IQSEC1: variants seen among roughly 807,000 people sequenced by gnomAD.
IQSEC1 encodes the protein IQ motif and Sec7 domain ArfGEF 1, also known as IQ motif and SEC7 domain-containing protein 1.
A neutral mutation model predicts 91.0 loss-of-function variants in IQSEC1; 31 were observed. The observed-to-expected ratio is 0.34, with a 90% CI of 0.26 to 0.46. The LOEUF is 0.46. Among genes scored for constraint, IQSEC1 ranks in the 20% least tolerant of loss-of-function variants. The pLI is 1.00. For missense variants in IQSEC1, 1,388 were observed against 1,575.6 expected, an observed-to-expected ratio of 0.88 and a Z score of 2.02; for synonymous variants, 699 against 662.6, an observed-to-expected ratio of 1.05 and a Z score of -0.84.
At chr3:13,144,525 C>A (rs1425481610) in intron 2 of IQSEC1, among the ~76,000 whole-genome samples, 1 of 152,260 alleles carries the variant, frequency 6.6e-6, no homozygotes, top group East Asian at 1.9e-4. Context: ...TGTGACCACA[C>A]AGACAATCCC....
At chr3:13,066,756 G>C (rs993605317) in intron 1 of IQSEC1, among the ~76,000 whole-genome samples, 1 of 152,226 alleles carries the variant, frequency 6.6e-6, no homozygotes, top group Non-Finnish European at 1.5e-5. Context: ...GGTGCCACCA[G>C]GTCTTATTTA....
chr3:12,988,752 TTA>T (rs1278839695), intron 1 of IQSEC1, among the ~76,000 whole-genome samples: 1 of 152,210 alleles, frequency 6.6e-6, no homozygotes, highest in Non-Finnish European at 1.5e-5. Context: ...ACGCATGTTC[TTA>T]TTTTTCTTTA....
At chr3:13,093,707 G>A (rs1705906622) in intron 2 of IQSEC1, among the ~76,000 whole-genome samples, 1 of 152,172 alleles carries the variant, frequency 6.6e-6, no homozygotes, top group Non-Finnish European at 1.5e-5. Flanking sequence ...GATCAGGCCC[G>A]AGCACTGATG....
At chr3:12,910,098 A>G (rs549316020) in intron 10 of IQSEC1, among the ~76,000 whole-genome samples, 1 of 152,374 alleles carries the variant, frequency 6.6e-6, no homozygotes, top group South Asian at 2.1e-4. Context: ...ACGTGGGAAC[A>G]TGTGCCTAGT....
intron 1 of IQSEC1, among the ~76,000 whole-genome samples, chr3:13,040,394 G>T (rs984621403): frequency 6.6e-6 from 1 of 152,220 alleles, no homozygotes; most frequent in Admixed American, 6.5e-5. Flanking sequence ...GTTCCTCAAG[G>T]ATTAGTCTCA....
chr3:13,134,237 G>C (rs936264722), intron 2 of IQSEC1, among the ~76,000 whole-genome samples: 1 of 152,228 alleles, frequency 6.6e-6, no homozygotes, highest in Non-Finnish European at 1.5e-5. Flanking sequence ...CAGATATGCA[G>C]GGGCTGCAGG....
intron 1 of IQSEC1, among the ~76,000 whole-genome samples, chr3:13,011,069 CTT>C (rs143657363): frequency 6.6e-6 from 1 of 150,580 alleles, no homozygotes; most frequent in Non-Finnish European, 1.5e-5. Flanking sequence ...GTGAAATTCA[CTT>C]TTTTTTTTCT....
At position 13,282,804 on chromosome 3, in the gene IQSEC1, T is replaced by C. The variant is rs1695820958; in HGVS notation, c.179A>G (p.His60Arg). 6.8e-6 allele frequency among the ~76,000 whole-genome samples: 1 copy of C among 146,914 alleles called. No individual in the cohort carries two copies. The highest frequency in any genetic ancestry group is 1.5e-5 in the Non-Finnish European group (1 of 66,118). Residue 60 changes from histidine (H) to arginine (R), a missense_variant, in exon 1 of 16, where the codon CAC (histidine) becomes CGC (arginine). His to Arg is a conservative substitution (Grantham distance 29). Transcript: ENST00000648114. The surrounding 1 kb of genome is among the most constrained non-coding windows in gnomAD (Gnocchi z 6.4). ...GGGGCGGCGGGCGCACGCGGCCAGGTGTCGCCGGTGTCGCTCCAGCAGGCC... is the reference window on the plus strand; with the variant it reads ...GGGGCGGCGGGCGCACGCGGCCAGGCGTCGCCGGTGTCGCTCCAGCAGGCC...
At chr3:13,022,071 G>T (rs113189963) in intron 1 of IQSEC1, 13 of 1,231,836 alleles carry the variant, frequency 1.1e-5, no homozygotes, top group Middle Eastern at 3.1e-4. Context: ...TCCACATAAG[G>T]CTCCACACGG....
rs558169046 is a variant in IQSEC1 at position 13,032,102 on chromosome 3, C to T, written c.23+40890G>A. Reference sequence around the variant, plus strand: ...TTCTCTACGCACACACACCTGTGCTCGCATACACACTTTCCCCCTGTAATT... The same window carrying T: ...TTCTCTACGCACACACACCTGTGCTTGCATACACACTTTCCCCCTGTAATT... On this transcript the variant is annotated intron_variant, in intron 1 of 13. Transcript: ENST00000613206. 1.2e-4 allele frequency among the ~76,000 whole-genome samples: 18 copies of T among 152,276 alleles called. 1 individual carries two copies. In the East Asian group the frequency reaches 2.9e-3, roughly 25 times the overall value.
At chr3:13,104,353 A>G (rs1009430178) in intron 2 of IQSEC1, among the ~76,000 whole-genome samples, 1 of 152,172 alleles carries the variant, frequency 6.6e-6, no homozygotes, top group African/African-American at 2.4e-5. Context: ...CAAGCCTCCC[A>G]GTGAGTACAC....
At chr3:13,181,609 C>T (rs1693845922) in intron 1 of IQSEC1, among the ~76,000 whole-genome samples, 1 of 152,182 alleles carries the variant, frequency 6.6e-6, no homozygotes, top group South Asian at 2.1e-4. Flanking sequence ...TACAGTCTAG[C>T]CAGGTAGACA....
chr3:12,898,420 G>C lies in IQSEC1; in HGVS notation c.*2563C>G, dbSNP rs564866848. The stretch of plus-strand genomic sequence containing the variant: ...GGAAACCCCGGGAAGGGCTCAGTGG[G>C]TTCCAGCAGTTCCTTACGCGAGGCC... On this transcript the variant is annotated 3_prime_UTR_variant, in exon 14 of 14. Coordinates refer to ENST00000613206, the MANE Select transcript of IQSEC1 (RefSeq NM_001134382.3). The C allele has an allele frequency of 2.4e-4, 36 of 152,384 alleles. No individual in the cohort carries two copies. The highest frequency in any genetic ancestry group is 7.9e-4 in the African/African-American group (33 of 41,588). The allele number at this position is 152,384 out of a possible 1,614,324, so 9.4% of individuals were successfully genotyped here. A position where few individuals can be genotyped will look rare whatever the true frequency, so the allele number is the denominator to read the frequency against.
At chr3:12,928,520 T>TC (rs1322456690) in intron 3 of IQSEC1, among the ~76,000 whole-genome samples, 1 of 152,128 alleles carries the variant, frequency 6.6e-6, no homozygotes, top group Non-Finnish European at 1.5e-5. Context: ...TGACAGGCCC[T>TC]CAACAGCCTC....
intron 3 of IQSEC1, among the ~76,000 whole-genome samples, chr3:12,929,972 G>C (rs993266497): frequency 6.6e-6 from 1 of 152,206 alleles, no homozygotes; most frequent in Non-Finnish European, 1.5e-5. Context: ...AGCACAGACT[G>C]CACCAGTCAC....
chr3:13,015,332 G>T (rs1388345143), intron 1 of IQSEC1, among the ~76,000 whole-genome samples: 1 of 152,190 alleles, frequency 6.6e-6, no homozygotes, highest in Non-Finnish European at 1.5e-5. Context: ...TAACGCGCAG[G>T]GGAGCTAAAG....
In IQSEC1 at chr3:12,927,495, C is replaced by T. The variant is rs542030797; in HGVS notation, c.1569-2753G>A. Among the ~76,000 whole-genome samples, 119 of 147,590 alleles carry T rather than the reference C, an allele frequency of 8.1e-4. 1 individual carries two copies. The highest frequency in any genetic ancestry group is 3.5e-3 in the Middle Eastern group (1 of 288). On this transcript the variant is annotated intron_variant, in intron 3 of 13. Coordinates refer to ENST00000613206, the MANE Select transcript of IQSEC1 (RefSeq NM_001134382.3). ...AGGCTGTCTGGTCCCTCCAGGCCAC[C>T]GCTGCAGTGACCAGGTCCAGGCCCA...
chr3:13,149,434 G>T (rs1017326175), intron 2 of IQSEC1, among the ~76,000 whole-genome samples: 1 of 151,310 alleles, frequency 6.6e-6, no homozygotes, highest in Non-Finnish European at 1.5e-5. Context: ...GGGGTGGGGG[G>T]GCGGACAGAG....
At chr3:13,141,891 A>G (rs1443416562) in intron 2 of IQSEC1, among the ~76,000 whole-genome samples, 3 of 152,352 alleles carry the variant, frequency 2.0e-5, no homozygotes, top group South Asian at 4.1e-4. Flanking sequence ...CAGAGGCCCA[A>G]ACTTGACTGT....
Sources: gnomAD v4.1 joint callset for allele counts (sites outside exome capture counted in the v4.1 genomes callset) on GRCh38, gnomAD v4.1.1 for gene constraint, Gnocchi (gnomAD v3.1) non-coding constraint, MANE v1.5 for transcripts, NCBI Gene and HGNC (gene_info 2026-07-23, HGNC 2026-07-21) for gene names.